Variants in PLPPR4 observed in about 807,000 individuals in gnomAD.
PLPPR4 encodes phospholipid phosphatase-related protein type 4.
In PLPPR4, 24 loss-of-function variants were observed where a neutral mutation model predicts 56.6. The ratio of observed to expected loss-of-function variants is 0.42; its 90% CI spans 0.31 to 0.60. PLPPR4 has a LOEUF of 0.60. Among genes scored for constraint, PLPPR4 ranks in the 20% least tolerant of loss-of-function variants. The pLI is 0.13. For missense variants in PLPPR4, 654 were observed against 885.8 expected (o/e 0.74, Z 3.32); for synonymous variants, 326 against 328.1 (o/e 0.99, Z 0.07).
intron 3 of PLPPR4, 44 bp from the exon 4 acceptor site, chr1:99,298,991 C>G (rs1414939074): frequency 7.3e-7 from 1 of 1,364,230 alleles, no homozygotes; most frequent in Non-Finnish European, 1.0e-6. Flanking sequence ...TTGATGCTGA[C>G]ACAACCACCA....
At chr1:99,299,439 C>G (rs1659825877) in intron 4 of PLPPR4, among the ~76,000 whole-genome samples, 1 of 151,986 alleles carries the variant, frequency 6.6e-6, no homozygotes, top group Non-Finnish European at 1.5e-5. Flanking sequence ...TTCAGCCTCA[C>G]ATTTTTGCTA....
At chr1:99,290,781 C>T (rs1374864156) in intron 2 of PLPPR4, among the ~76,000 whole-genome samples, 1 of 151,996 alleles carries the variant, frequency 6.6e-6, no homozygotes, top group African/African-American at 2.4e-5. Flanking sequence ...ACACCATATA[C>T]AAAAATCAAC....
At chr1:99,305,241 T>C (rs1209600261) in intron 6 of PLPPR4, among the ~76,000 whole-genome samples, 1 of 152,218 alleles carries the variant, frequency 6.6e-6, no homozygotes, top group Admixed American at 6.5e-5. Flanking sequence ...TATATTGTTC[T>C]ATATTTTGTA....
upstream of PLPPR4, among the ~76,000 whole-genome samples, chr1:99,263,427 A>G (rs1658810634): frequency 1.3e-5 from 2 of 152,202 alleles, no homozygotes; most frequent in Non-Finnish European, 2.9e-5. Flanking sequence ...CCATACTGCC[A>G]AAGACCTATT....
intron 3 of PLPPR4, 39 bp downstream of exon 3, chr1:99,296,906 T>A (rs1265452165): frequency 6.7e-7 from 1 of 1,491,944 alleles, no homozygotes; most frequent in East Asian, 2.3e-5. Flanking sequence ...AATGCTTTTT[T>A]TTTTATATTG....
At chr1:99,277,572 A>G (rs1272833492) in intron 1 of PLPPR4, among the ~76,000 whole-genome samples, 1 of 152,124 alleles carries the variant, frequency 6.6e-6, no homozygotes, top group Non-Finnish European at 1.5e-5. Context: ...TGAATTATCC[A>G]TTTGTAAACT....
intron 1 of PLPPR4, among the ~76,000 whole-genome samples, chr1:99,266,412 C>T (rs1307474838): frequency 6.6e-6 from 1 of 152,222 alleles, no homozygotes; most frequent in African/African-American, 2.4e-5. Context: ...AAGGATGTGC[C>T]TTTACAGAAT....
rs1659750399 is a variant in PLPPR4, at chr1:99,296,706, G to A, written c.265-32G>A. 5.2e-6 allele frequency: 8 copies of A among 1,543,094 alleles called. No homozygotes were observed. The East Asian group carries it at 1.4e-4, about 27-fold the overall frequency. On this transcript the variant is annotated intron_variant, in intron 2 of 6. Coordinates refer to ENST00000370185, the MANE Select transcript of PLPPR4 (RefSeq NM_014839.5). The stretch of plus-strand genomic sequence containing the variant: ...GTTGGCTTAATAGGTATTCCAACAT[G>A]CCTCTTCCTGAATACCCTTCTATCT...
upstream of PLPPR4, among the ~76,000 whole-genome samples, chr1:99,263,270 C>A (rs753173324): frequency 7.9e-5 from 12 of 151,990 alleles, no homozygotes; most frequent in Non-Finnish European, 1.3e-4. Context: ...TCAACTAAGC[C>A]GGGATATTAT....
rs767921461 is a variant in PLPPR4 at position 99,306,648 on chromosome 1, A to G, written c.1786A>G (p.Ser596Gly). 2 of 1,614,170 alleles carry G rather than the reference A, an allele frequency of 1.2e-6. No homozygotes were observed. The highest frequency in any genetic ancestry group is 3.3e-5 in the Admixed American group (2 of 60,026). The change falls in exon 7 of 7, where the codon AGT becomes GGT. Residue 596 changes from serine (S) to glycine (G), a missense_variant. Ser to Gly is a moderately conservative substitution (Grantham distance 56). Coordinates refer to ENST00000370185, the MANE Select transcript of PLPPR4 (RefSeq NM_014839.5). The surrounding 1 kb of genome is among the most constrained non-coding windows in gnomAD (Gnocchi z 4.0). ...GATCCCGTCCACTGAAGGTGAAGGC[A>G]GTGGCTCCTGGAAGTGGAAAGCCCC... ...IQIPSTEGEG[S>G]GSWKWKAPEK...
chr1:99,300,654 T>A (rs1394181298), intron 4 of PLPPR4, among the ~76,000 whole-genome samples: 1 of 152,072 alleles, frequency 6.6e-6, no homozygotes, highest in African/African-American at 2.4e-5. Context: ...AGTGATGTAA[T>A]GAAGTGGCCC....
chr1:99,303,652 A>G (rs746471082), intron 6 of PLPPR4, among the ~76,000 whole-genome samples: 2 of 152,234 alleles, frequency 1.3e-5, no homozygotes, highest in Non-Finnish European at 2.9e-5. Flanking sequence ...GAAAGGCATT[A>G]CAAGAAAATT....
At chr1:99,283,898 G>A (rs1435423845) in intron 1 of PLPPR4, among the ~76,000 whole-genome samples, 4 of 152,126 alleles carry the variant, frequency 2.6e-5, no homozygotes, top group African/African-American at 4.8e-5. Context: ...GTTGTAGGGG[G>A]CCGAAATGGC....
At chr1:99,268,068 G>A (rs955322730) in intron 1 of PLPPR4, among the ~76,000 whole-genome samples, 60 of 152,258 alleles carry the variant, frequency 3.9e-4, no homozygotes, top group African/African-American at 1.4e-3. Context: ...TTAACTCAAA[G>A]GTCACGCTCT....
At chr1:99,295,271 T>G (rs1049660870) in intron 2 of PLPPR4, among the ~76,000 whole-genome samples, 1 of 152,212 alleles carries the variant, frequency 6.6e-6, no homozygotes, top group African/African-American at 2.4e-5. Flanking sequence ...CAAAGTAAGA[T>G]TCTCTATAAT....
chr1:99,304,708 G>C (rs1240153101), intron 6 of PLPPR4, among the ~76,000 whole-genome samples: 1 of 152,154 alleles, frequency 6.6e-6, no homozygotes, highest in Admixed American at 6.6e-5. Flanking sequence ...TTTGTTCATT[G>C]TTAAGCATTC....
At chr1:99,284,581 A>G (rs1333922271) in intron 1 of PLPPR4, among the ~76,000 whole-genome samples, 4 of 151,856 alleles carry the variant, frequency 2.6e-5, no homozygotes, top group Non-Finnish European at 5.9e-5. Flanking sequence ...GCGCCCAGAG[A>G]AAAAAAGATT....
At chr1:99,265,836 G>A (rs1482384742) in intron 1 of PLPPR4, among the ~76,000 whole-genome samples, 1 of 152,118 alleles carries the variant, frequency 6.6e-6, no homozygotes, top group South Asian at 2.1e-4. Context: ...TGTTCTTATA[G>A]GTAACAATAT....
At chr1:99,295,110 G>T (rs819906) in intron 2 of PLPPR4, among the ~76,000 whole-genome samples, 69,134 of 151,918 alleles carry the variant, frequency 0.46, 16,030 homozygotes, top group East Asian at 0.59. Flanking sequence ...AAGTATAAAT[G>T]GTTAACTCAG....
Sources: allele counts gnomAD v4.1 joint callset (sites outside exome capture counted in the v4.1 genomes callset), GRCh38; gene constraint gnomAD v4.1.1; non-coding constraint Gnocchi (gnomAD v3.1); transcripts MANE v1.5; gene names NCBI Gene and HGNC (gene_info 2026-07-23, HGNC 2026-07-21).